Variants in FBXO38 observed in about 807,000 individuals in gnomAD.
FBXO38 encodes F-box protein 38, also known as F-box only protein 38.
In FBXO38, 53 loss-of-function variants were observed where a neutral mutation model predicts 131.9. The observed-to-expected ratio is 0.40, with a 90% CI of 0.32 to 0.51. FBXO38 has a LOEUF of 0.51. Among genes scored for constraint, FBXO38 ranks in the 20% least tolerant of loss-of-function variants. The probability of loss-of-function intolerance (pLI) is 0.53; values close to 1 mark genes in which losing one functional copy is unlikely to be tolerated. For synonymous variants in FBXO38, 452 were observed against 505.6 expected, an observed-to-expected ratio of 0.89 and a Z score of 1.42; for missense variants, 1,076 against 1,475.6, an observed-to-expected ratio of 0.73 and a Z score of 4.44.
At chr5:148,426,192 T>C (rs1481035425) in intron 14 of FBXO38, among the ~76,000 whole-genome samples, 1 of 152,202 alleles carries the variant, frequency 6.6e-6, no homozygotes, top group Non-Finnish European at 1.5e-5. Context: ...ACCAAGAAAC[T>C]GTACTTCTCT....
At chr5:148,433,376 A>G (rs1251186804) in intron 15 of FBXO38, 48 bp from the exon 16 acceptor site, 1 of 1,371,532 alleles carries the variant, frequency 7.3e-7, no homozygotes, top group East Asian at 2.3e-5. Context: ...CTTGAGGGAA[A>G]GAAAGCAAGG....
rs778738756 is a variant in FBXO38 at position 148,424,032 on chromosome 5, T to C, written c.1653T>C (p.Asp551=). The C allele has an allele frequency of 9.9e-6, 16 of 1,613,396 alleles. No individual in the cohort carries two copies. Among genetic ancestry groups the C allele is most frequent in the Non-Finnish European group, 1.3e-5 (15 of 1,179,606 alleles). Residue 551 remains aspartate (D), a synonymous_variant, in exon 13 of 22, where the codon GAT becomes GAC. Transcript: ENST00000340253. ...LNEMEDIVQE[D]GEVVAESGNN... ...AGATGGAAGACATCGTCCAAGAAGA[T>C]GGAGAGGTGGTGGCCGAGAGTGGAA...
intron 1 of FBXO38, among the ~76,000 whole-genome samples, chr5:148,386,454 A>T (rs924854645): frequency 3.3e-5 from 5 of 152,024 alleles, no homozygotes; most frequent in Non-Finnish European, 4.4e-5. Flanking sequence ...GAAATCGTGT[A>T]TGTATTTCTG....
intron 2 of FBXO38, chr5:148,397,503 ATG>A (rs1758543744): frequency 6.6e-6 from 1 of 152,212 alleles, no homozygotes; most frequent in Non-Finnish European, 1.5e-5. Context: ...TGTTTATAAA[ATG>A]TGTTGTCATG....
chr5:148,394,669 A>T lies in FBXO38; in HGVS notation c.-63-45A>T. On this transcript the variant is annotated intron_variant, in intron 1 of 21. Coordinates refer to ENST00000340253, the MANE Select transcript of FBXO38 (RefSeq NM_205836.3). ...AACATTGTTTAACCTGGGTTTTAGT[A>T]GGGGGTGTGTTTTTTTAGTCTACTT... is the stretch of plus-strand genomic sequence containing the variant. 4 of 974,826 alleles carry T rather than the reference A, an allele frequency of 4.1e-6. No homozygotes were observed. In the South Asian group the frequency reaches 1.2e-4, roughly 29 times the overall value. 60.4% of individuals were successfully genotyped at this position (974,826 alleles called of 1,614,324 possible).
chr5:148,398,948 A>G, intron 2 of FBXO38, 51 bp from the exon 3 acceptor site: 1 of 1,595,414 alleles, frequency 6.3e-7, no homozygotes, highest in Non-Finnish European at 8.6e-7. Flanking sequence ...CTTACTGGTG[A>G]GAAGTAATAC....
chr5:148,389,826 CG>C (rs1758105839), intron 1 of FBXO38: 1 of 152,000 alleles, frequency 6.6e-6, no homozygotes, highest in Non-Finnish European at 1.5e-5. Context: ...GTCAGGAGTT[CG>C]ATAGCAGTCT....
At chr5:148,399,963 G>C (rs566795552) in intron 3 of FBXO38, among the ~76,000 whole-genome samples, 10 of 152,140 alleles carry the variant, frequency 6.6e-5, no homozygotes, top group Admixed American at 2.6e-4. Flanking sequence ...GTGAAGGGCT[G>C]GAGGAGATAA....
At chr5:148,394,946 AGAGCAAACCCT>A (rs769980636) in intron 2 of FBXO38, 42 bp downstream of exon 2, 9 of 1,523,226 alleles carry the variant, frequency 5.9e-6, no homozygotes, top group Non-Finnish European at 7.9e-6. Context: ...GGAATGGATA[AGAGCAAACCCT>A]GAGGCAGTGC....
chr5:148,415,826 T>A lies in FBXO38; in HGVS notation c.1265-102T>A, dbSNP rs1215497829. The A allele has an allele frequency of 7.2e-6, 9 of 1,255,040 alleles. No individual in the cohort carries two copies. In the African/African-American group the frequency reaches 7.6e-5, roughly 11 times the overall value. 77.7% of individuals were successfully genotyped at this position (1,255,040 alleles called of 1,614,324 possible). The stretch of plus-strand genomic sequence containing the variant: ...TCATGAAAAAAAGGAAAAGTTATTT[T>A]AAAAAAAAGGATTTGAAAGTCTTTG... On this transcript the variant is annotated intron_variant, in intron 10 of 21. Coordinates refer to ENST00000340253, the MANE Select transcript of FBXO38 (RefSeq NM_205836.3).
intron 15 of FBXO38, chr5:148,433,141 G>A: frequency 7.3e-6 from 2 of 275,498 alleles, no homozygotes; most frequent in Non-Finnish European, 1.4e-5. Flanking sequence ...ATTTAGGATG[G>A]GATGAGTCAG....
At chr5:148,386,881 A>G (rs561762000) in intron 1 of FBXO38, among the ~76,000 whole-genome samples, 1 of 152,288 alleles carries the variant, frequency 6.6e-6, no homozygotes, top group East Asian at 1.9e-4. Flanking sequence ...AAAGTAATGT[A>G]TACGCCATAA....
intron 9 of FBXO38, 172 bp downstream of exon 9, chr5:148,410,937 T>C (rs1021547874): frequency 1.0e-5 from 6 of 588,652 alleles, no homozygotes; most frequent in African/African-American, 3.9e-5. Flanking sequence ...GTGATTTTTT[T>C]TTCCATATTG....
intron 4 of FBXO38, 48 bp from the exon 5 acceptor site, chr5:148,402,300 T>A: frequency 6.4e-7 from 1 of 1,569,362 alleles, no homozygotes; most frequent in Middle Eastern, 1.7e-4. Flanking sequence ...AAGCTTTGGA[T>A]GCTAAACTAA....
chr5:148,405,062 A>G (rs1209755259), intron 6 of FBXO38, among the ~76,000 whole-genome samples: 3 of 149,620 alleles, frequency 2.0e-5, no homozygotes, highest in South Asian at 2.1e-4. Context: ...TTTTACGGGT[A>G]CTTTTTACTT....
At chr5:148,432,903 G>C (rs1340225548) in intron 15 of FBXO38, among the ~76,000 whole-genome samples, 1 of 152,144 alleles carries the variant, frequency 6.6e-6, no homozygotes, top group African/African-American at 2.4e-5. Context: ...TTCATAGATG[G>C]GTCGTATTTC....
chr5:148,417,858 A>T (rs1165692813), intron 12 of FBXO38, among the ~76,000 whole-genome samples: 1 of 152,202 alleles, frequency 6.6e-6, no homozygotes, highest in Non-Finnish European at 1.5e-5. Context: ...GTTGACGCTT[A>T]GGAACTGGAA....
At chr5:148,426,796 C>CT (rs1348923439) in intron 14 of FBXO38, among the ~76,000 whole-genome samples, 1 of 152,098 alleles carries the variant, frequency 6.6e-6, no homozygotes, top group Non-Finnish European at 1.5e-5. Flanking sequence ...AGGGCATATA[C>CT]TACAACTACA....
intron 1 of FBXO38, among the ~76,000 whole-genome samples, chr5:148,394,229 T>C (rs1056970890): frequency 4.6e-5 from 7 of 152,108 alleles, no homozygotes; most frequent in African/African-American, 1.2e-4. Flanking sequence ...ATTTTAAAGA[T>C]TGATGCAAGT....
Sources: allele counts gnomAD v4.1 joint callset (sites outside exome capture counted in the v4.1 genomes callset), GRCh38; gene constraint gnomAD v4.1.1; transcripts MANE v1.5; gene names NCBI Gene and HGNC (gene_info 2026-07-23, HGNC 2026-07-21).